Variants in NFATC2 observed in about 807,000 individuals in gnomAD.
NFATC2 encodes the protein nuclear factor of activated T cells 2, also known as nuclear factor of activated T-cells, cytoplasmic 2.
Under a neutral mutation model 87.3 loss-of-function variants are expected in NFATC2, and 22 were observed. The ratio of observed to expected loss-of-function variants is 0.25; its 90% CI spans 0.18 to 0.36. The LOEUF (loss-of-function observed/expected upper bound fraction) is 0.36. Ranked by LOEUF, NFATC2 falls within the 10% of genes least tolerant of loss-of-function variation. The pLI is 1.00. For missense variants in NFATC2, 1,149 were observed against 1,259.1 expected, an observed-to-expected ratio of 0.91 and a Z score of 1.32; for synonymous variants, 565 against 542.2, an observed-to-expected ratio of 1.04 and a Z score of -0.58.
At chr20:51,473,930 A>T (rs766622882) in intron 5 of NFATC2, 50 bp downstream of exon 5, 1 of 1,588,476 alleles carries the variant, frequency 6.3e-7, no homozygotes, top group East Asian at 2.2e-5. Context: ...GGGGAAGCCC[A>T]CGTGCCCTAC....
Position 51,411,209 on chromosome 20 carries a change from G to A in NFATC2, c.2723-12479C>T, listed in dbSNP as rs142757759. 2.1e-4 allele frequency among the ~76,000 whole-genome samples: 32 copies of A among 152,288 alleles called. No individual in the cohort carries two copies. The East Asian group carries it at 3.3e-3, about 16-fold the overall frequency. On this transcript the variant is annotated intron_variant, in intron 9 of 10. Coordinates refer to ENST00000371564, the MANE Select transcript of NFATC2 (RefSeq NM_012340.5). Reference sequence around the variant, plus strand: ...TCGATCAGAGTTACGCAGGTAGCACGTGGCCGAGCAATGATTTGCATCCAG... The same window carrying A: ...TCGATCAGAGTTACGCAGGTAGCACATGGCCGAGCAATGATTTGCATCCAG...
upstream of NFATC2, chr20:51,562,783 T>TC: frequency 1.6e-6 from 1 of 628,078 alleles, no homozygotes; most frequent in Non-Finnish European, 2.7e-6. This position sits in a 1 kb window ranked among gnomAD's most constrained non-coding sequence, Gnocchi z 5.8. Context: ...GCCTCCCGGC[T>TC]CCCGGCTCGG....
At chr20:51,506,152 G>A (rs1034166336) in intron 3 of NFATC2, among the ~76,000 whole-genome samples, 1 of 152,172 alleles carries the variant, frequency 6.6e-6, no homozygotes, top group East Asian at 1.9e-4. Flanking sequence ...TAATGGCAGC[G>A]CCACTATCTC....
chr20:51,524,114 G>A lies in NFATC2; in HGVS notation c.131-4C>T. 1 of 1,451,248 alleles carries A rather than the reference G, an allele frequency of 6.9e-7. No homozygotes were observed. The highest frequency in any genetic ancestry group is 2.7e-5 in the East Asian group (1 of 37,622). 89.9% of individuals were successfully genotyped at this position (1,451,248 alleles called of 1,614,324 possible). A position where few individuals can be genotyped will look rare whatever the true frequency, so the allele number is the denominator to read the frequency against. The stretch of plus-strand genomic sequence containing the variant: ...ACCTTATGTGCATTCGGCTCTTCTG[G>A]AAAGAGAAGGGGGAAGGGGGTTCTT... On this transcript the variant is annotated splice_polypyrimidine_tract_variant and splice_region_variant and intron_variant, in intron 1 of 10. Transcript: ENST00000371564. This position sits in a 1 kb window ranked among gnomAD's most constrained non-coding sequence, Gnocchi z 4.0.
Position 51,441,049 on chromosome 20 carries a change from G to A in NFATC2, c.1850-5288C>T, listed in dbSNP as rs985288453. 2.6e-5 allele frequency among the ~76,000 whole-genome samples: 4 copies of A among 151,886 alleles called. No individual in the cohort carries two copies. In the East Asian group the frequency reaches 5.9e-4, roughly 22 times the overall value. On this transcript the variant is annotated intron_variant, in intron 6 of 10. Coordinates refer to ENST00000371564, the MANE Select transcript of NFATC2 (RefSeq NM_012340.5). Reference sequence around the variant, plus strand: ...TGTAATCCCAGCACTTTGGGAGGCCGAGGCGAGTGGATCACTTGAGGTCAG... The same window carrying A: ...TGTAATCCCAGCACTTTGGGAGGCCAAGGCGAGTGGATCACTTGAGGTCAG...
intron 3 of NFATC2, among the ~76,000 whole-genome samples, chr20:51,478,424 GA>G (rs1199510330): frequency 6.6e-6 from 1 of 152,156 alleles, no homozygotes; most frequent in Non-Finnish European, 1.5e-5. Context: ...CCTCCTCAAT[GA>G]AAGAAGAGCA....
rs1985879282 is a variant in NFATC2, at chr20:51,387,398, T to TA, written c.*4097dup. 6.6e-6 allele frequency: 1 copy of TA among 152,160 alleles called. No homozygotes were observed. The highest frequency in any genetic ancestry group is 6.5e-5 in the Admixed American group (1 of 15,282). The allele number at this position is 152,160 out of a possible 1,614,324, so 9.4% of individuals were successfully genotyped here. A position where few individuals can be genotyped will look rare whatever the true frequency, so the allele number is the denominator to read the frequency against. On this transcript the variant is annotated 3_prime_UTR_variant, in exon 11 of 11. Transcript: ENST00000371564. ...TGGTCAGCCAACAGCTGCATAAAGGTAGAATGTTAATAACCCTTTCACTTC... is the reference window on the plus strand; with the variant it reads ...TGGTCAGCCAACAGCTGCATAAAGGTAAGAATGTTAATAACCCTTTCACTTC...
chr20:51,553,896 C>G (rs1329214250), intron 1 of NFATC2, among the ~76,000 whole-genome samples: 1 of 152,088 alleles, frequency 6.6e-6, no homozygotes, highest in Non-Finnish European at 1.5e-5. Context: ...TCATTTCTCA[C>G]TCAATGTACC....
chr20:51,562,820 G>A (rs967684411), upstream of NFATC2: 6 of 551,384 alleles, frequency 1.1e-5, no homozygotes, highest in Middle Eastern at 3.3e-4. This position sits in a 1 kb window ranked among gnomAD's most constrained non-coding sequence, Gnocchi z 5.8. Context: ...CCGCGATCCG[G>A]CTTACTCCAG....
intron 3 of NFATC2, among the ~76,000 whole-genome samples, chr20:51,511,095 A>G (rs2076264824): frequency 6.6e-6 from 1 of 152,178 alleles, no homozygotes; most frequent in Admixed American, 6.5e-5. Context: ...AAACCTGGCA[A>G]CATTCCACCC....
intron 2 of NFATC2, 117 bp from the exon 3 acceptor site, chr20:51,517,072 A>G: frequency 9.5e-7 from 1 of 1,053,246 alleles, no homozygotes; most frequent in East Asian, 2.6e-5. Flanking sequence ...TTGCTCAACA[A>G]TGAGGATACG....
intron 5 of NFATC2, among the ~76,000 whole-genome samples, chr20:51,456,055 G>A (rs1986491624): frequency 8.1e-6 from 1 of 122,972 alleles, no homozygotes; most frequent in East Asian, 2.8e-4. Context: ...TGGGTGGATG[G>A]ATGGGTGGGT....
chr20:51,397,106 T>C (rs1987274985), intron 10 of NFATC2, among the ~76,000 whole-genome samples: 1 of 152,220 alleles, frequency 6.6e-6, no homozygotes, highest in Non-Finnish European at 1.5e-5. Context: ...TTGGCCAGGC[T>C]GGTCTCGAAC....
At chr20:51,483,036 C>T (rs1989396638) in intron 3 of NFATC2, among the ~76,000 whole-genome samples, 1 of 152,200 alleles carries the variant, frequency 6.6e-6, no homozygotes, top group South Asian at 2.1e-4. Context: ...GAGTGAGCCC[C>T]ACTCTACATT....
chr20:51,397,891 C>T (rs1269050650), intron 10 of NFATC2, among the ~76,000 whole-genome samples: 1 of 152,216 alleles, frequency 6.6e-6, no homozygotes, highest in Non-Finnish European at 1.5e-5. Context: ...ATCTAAGAAG[C>T]TGAGGCACAG....
chr20:51,398,434 C>G (rs1987550125), intron 10 of NFATC2, among the ~76,000 whole-genome samples: 1 of 152,200 alleles, frequency 6.6e-6, no homozygotes, highest in Non-Finnish European at 1.5e-5. Context: ...CTCATCCCCC[C>G]TTCTCCCGCC....
chr20:51,557,457 T>C lies in NFATC2; in HGVS notation c.70+5103A>G, dbSNP rs543167122. Among the ~76,000 whole-genome samples the C allele has an allele frequency of 3.9e-4, 60 of 152,292 alleles. No individual in the cohort carries two copies. In the East Asian group the frequency reaches 4.4e-3, roughly 11 times the overall value. On this transcript the variant is annotated intron_variant, in intron 1 of 10. Transcript: ENST00000414705. ...CCTTGGCATGGTGCCTGACACACGG[T>C]TGACACTCAGTGAGTGGTGGCTGCT...
chr20:51,508,685 G>A (rs757687450), intron 3 of NFATC2, among the ~76,000 whole-genome samples: 2 of 151,936 alleles, frequency 1.3e-5, no homozygotes, highest in Non-Finnish European at 2.9e-5. Context: ...CAGGAGTCTC[G>A]GCAGGGATGA....
At chr20:51,469,816 CCT>C (rs951503611) in intron 5 of NFATC2, among the ~76,000 whole-genome samples, 3 of 152,300 alleles carry the variant, frequency 2.0e-5, no homozygotes, top group Non-Finnish European at 2.9e-5. Context: ...CGGTTTCTCC[CCT>C]GAGTCTCCAG....
Sources: allele counts gnomAD v4.1 joint callset (sites outside exome capture counted in the v4.1 genomes callset), GRCh38; gene constraint gnomAD v4.1.1; non-coding constraint Gnocchi (gnomAD v3.1); transcripts MANE v1.5; gene names NCBI Gene and HGNC (gene_info 2026-07-23, HGNC 2026-07-21).